SLC35A3: variants seen among roughly 807,000 people sequenced by gnomAD.
The protein encoded by SLC35A3 is solute carrier family 35 member A3.
SLC35A3 carries 26 observed loss-of-function variants against 39.0 expected under a neutral mutation model. The ratio of observed to expected loss-of-function variants is 0.67; its 90% CI spans 0.49 to 0.92. The LOEUF (loss-of-function observed/expected upper bound fraction) is 0.92, where lower values mean the gene tolerates loss of function less well. SLC35A3 is among the 40% of genes least tolerant of loss of function. SLC35A3 has a pLI of 0.00. For synonymous variants in SLC35A3, 135 were observed against 133.1 expected (o/e 1.01, Z -0.10); for missense variants, 299 against 371.6 (o/e 0.80, Z 1.61).
At chr1:99,994,484 A>G (rs937708098) in intron 2 of SLC35A3, among the ~76,000 whole-genome samples, 1 of 152,188 alleles carries the variant, frequency 6.6e-6, no homozygotes, top group African/African-American at 2.4e-5. Flanking sequence ...AGTAACCTCT[A>G]ATTCACTTTC....
chr1:99,972,393 C>T (rs1183788058), intron 1 of SLC35A3, among the ~76,000 whole-genome samples: 2 of 141,456 alleles, frequency 1.4e-5, no homozygotes, highest in Admixed American at 7.4e-5. Context: ...AGTGCAGTGG[C>T]GTGACCCTCT....
At chr1:99,970,211 G>T (rs981084241) in intron 1 of SLC35A3, 49 bp downstream of exon 1, 1 of 204,620 alleles carries the variant, frequency 4.9e-6, no homozygotes, top group Admixed American at 5.8e-5. Flanking sequence ...GAGGCTAGCG[G>T]CTGCGGGGCG....
chr1:100,003,307 T>G (rs1353565586), intron 3 of SLC35A3, among the ~76,000 whole-genome samples: 1 of 150,166 alleles, frequency 6.7e-6, no homozygotes, highest in Non-Finnish European at 1.5e-5. Context: ...TCTCAGCTAC[T>G]CAGGAGGCTG....
chr1:100,019,434 T>C (rs1660381394), intron 7 of SLC35A3, among the ~76,000 whole-genome samples: 1 of 152,210 alleles, frequency 6.6e-6, no homozygotes, highest in Admixed American at 6.5e-5. Flanking sequence ...GAGAATATGC[T>C]CAGGACACTA....
intron 1 of SLC35A3, among the ~76,000 whole-genome samples, chr1:99,989,536 G>A (rs1030164521): frequency 6.6e-6 from 1 of 151,870 alleles, no homozygotes; most frequent in South Asian, 2.1e-4. Flanking sequence ...CACCCACCTC[G>A]GCCTCCCAAA....
intron 1 of SLC35A3, among the ~76,000 whole-genome samples, chr1:99,970,907 A>T (rs1422068809): frequency 1.3e-5 from 2 of 152,094 alleles, no homozygotes; most frequent in Admixed American, 1.3e-4. Context: ...TGACTTGTAA[A>T]CTTATATTTC....
At chr1:99,983,885 T>G (rs1380511241) in intron 1 of SLC35A3, among the ~76,000 whole-genome samples, 1 of 152,192 alleles carries the variant, frequency 6.6e-6, no homozygotes, top group Non-Finnish European at 1.5e-5. Context: ...CCTCCCAAAG[T>G]GCTTGGGATT....
chr1:99,975,562 T>A lies in SLC35A3; in HGVS notation c.-19+5400T>A, dbSNP rs574877996. ...TCACTAAAACTTGTATGTTGAGTCCTGTAAGATATATAGAGGTTCTACAAA... is the reference window on the plus strand; with the variant it reads ...TCACTAAAACTTGTATGTTGAGTCCAGTAAGATATATAGAGGTTCTACAAA... On this transcript the variant is annotated intron_variant, in intron 1 of 7. Transcript: ENST00000533028. Among the ~76,000 whole-genome samples the A allele has an allele frequency of 2.0e-5, 3 of 152,326 alleles. No individual in the cohort carries two copies. The South Asian group carries it at 6.2e-4, about 32-fold the overall frequency.
In SLC35A3 at chr1:100,007,248, T is replaced by C. The variant is rs1659305280; in HGVS notation, c.465+92T>C. ...TGGAGAAATATGGTTCTATTGATTG[T>C]TGAAACCAACAAATGTTTTTCCCCA... On this transcript the variant is annotated intron_variant, in intron 4 of 7. Transcript: ENST00000533028. 3.3e-5 allele frequency: 39 copies of C among 1,181,986 alleles called. No individual in the cohort carries two copies. The South Asian group carries it at 5.3e-4, about 16-fold the overall frequency. 73.2% of individuals were successfully genotyped at this position (1,181,986 alleles called of 1,614,324 possible). A position where few individuals can be genotyped will look rare whatever the true frequency, so the allele number is the denominator to read the frequency against.
intron 2 of SLC35A3, among the ~76,000 whole-genome samples, chr1:99,995,105 TTTC>T (rs1414932493): frequency 2.9e-4 from 5 of 17,234 alleles, no homozygotes; most frequent in African/African-American, 6.1e-4. Context: ...TTTTGTGTAT[TTTC>T]TTTCTTTCTT....
chr1:99,993,628 G>A lies in SLC35A3; in HGVS notation c.74G>A (p.Arg25His), dbSNP rs903783945. 47 of 1,613,760 alleles carry A rather than the reference G, an allele frequency of 2.9e-5. No individual in the cohort carries two copies. The highest frequency in any genetic ancestry group is 4.5e-5 in the East Asian group (2 of 44,856). Reference protein sequence around the residue: ...FQTTSLVLTMRYSRTLKEEGP... With the variant: ...FQTTSLVLTMHYSRTLKEEGP... ...ACTACCAGTTTGGTTCTAACAATGC[G>A]TTATTCCAGAACTTTAAAAGAAGAA... Residue 25 changes from arginine to histidine, a missense_variant, in exon 2 of 8, where the codon CGT (arginine) becomes CAT (histidine). By Grantham distance (29) the Arg-to-His change is conservative. Transcript: ENST00000533028.
chr1:100,022,545 G>T lies in SLC35A3; in HGVS notation c.*69G>T. 1 of 793,128 alleles carries T rather than the reference G, an allele frequency of 1.3e-6. No homozygotes were observed. Among genetic ancestry groups the T allele is most frequent in the Non-Finnish European group, 2.1e-6 (1 of 469,518 alleles). The allele number at this position is 793,128 out of a possible 1,614,324, so 49.1% of individuals were successfully genotyped here. On this transcript the variant is annotated 3_prime_UTR_variant, in exon 8 of 8. Coordinates refer to ENST00000533028, the MANE Select transcript of SLC35A3 (RefSeq NM_012243.3). Reference sequence around the variant, plus strand: ...AATCTCGACATTAATCTTGCACAGAGGACTTCTACAGAGTCTGAGAAGATA... The same window carrying T: ...AATCTCGACATTAATCTTGCACAGATGACTTCTACAGAGTCTGAGAAGATA...
At chr1:100,020,265 G>A (rs1660445459) in intron 7 of SLC35A3, among the ~76,000 whole-genome samples, 2 of 151,836 alleles carry the variant, frequency 1.3e-5, no homozygotes, top group South Asian at 4.2e-4. Flanking sequence ...AGAAACAGGT[G>A]TTTCCTGACA....
At chr1:99,987,897 A>G (rs1157408820) in intron 1 of SLC35A3, among the ~76,000 whole-genome samples, 5 of 152,168 alleles carry the variant, frequency 3.3e-5, no homozygotes, top group African/African-American at 4.8e-5. Context: ...AATTAATCCA[A>G]ATAAATCAGA....
chr1:99,970,420 A>AG (rs1656732874), intron 1 of SLC35A3: 4 of 671,392 alleles, frequency 6.0e-6, no homozygotes, highest in Non-Finnish European at 2.5e-6. Flanking sequence ...AAAAGGCCCG[A>AG]GGAGAGGGGT....
intron 1 of SLC35A3, among the ~76,000 whole-genome samples, chr1:99,985,012 A>G (rs1657667828): frequency 6.6e-6 from 1 of 152,050 alleles, no homozygotes; most frequent in African/African-American, 2.4e-5. Context: ...TAGATTGCAA[A>G]TATTTTCTCC....
chr1:100,011,414 A>G lies in SLC35A3; in HGVS notation c.515A>G (p.Gln172Arg). ...LDSKELSAGS[Q>R]FVGLMAVLTA... ...TCTAAGGAACTTTCAGCTGGTTCTC[A>G]ATTTGTAGGACTCATGGCAGTTCTC... is the stretch of plus-strand genomic sequence containing the variant. The change falls in exon 5 of 8, where the codon CAA becomes CGA. Residue 172 changes from glutamine to arginine, a missense_variant. Physicochemically the swap from Gln to Arg is conservative, Grantham distance 43 (BLOSUM62 1). Transcript: ENST00000533028. 1 of 1,576,130 alleles carries G rather than the reference A, an allele frequency of 6.3e-7. No individual in the cohort carries two copies. Among genetic ancestry groups the G allele is most frequent in the Non-Finnish European group, 8.6e-7 (1 of 1,157,028 alleles).
At chr1:99,983,345 C>T (rs1206711403) in intron 1 of SLC35A3, among the ~76,000 whole-genome samples, 1 of 151,862 alleles carries the variant, frequency 6.6e-6, no homozygotes, top group Non-Finnish European at 1.5e-5. Flanking sequence ...TGATATCAAC[C>T]TGACCAACAT....
At chr1:99,989,122 C>G (rs1657924344) in intron 1 of SLC35A3, among the ~76,000 whole-genome samples, 1 of 152,136 alleles carries the variant, frequency 6.6e-6, no homozygotes, top group Non-Finnish European at 1.5e-5. Flanking sequence ...TGCTCTAAAT[C>G]CCCTTTAACA....
Sources: allele counts gnomAD v4.1 joint callset (sites outside exome capture counted in the v4.1 genomes callset), GRCh38; gene constraint gnomAD v4.1.1; transcripts MANE v1.5; gene names NCBI Gene and HGNC (gene_info 2026-07-23, HGNC 2026-07-21).